The following PCDHA6 variants were observed in gnomAD, a reference collection of about 807,000 sequenced individuals.
PCDHA6 encodes the protein protocadherin alpha-6.
A neutral mutation model predicts 60.3 loss-of-function variants in PCDHA6; 55 were observed. That is an observed-to-expected ratio of 0.91 (90% CI 0.73 to 1.14). The LOEUF is 1.14. Ranked by LOEUF, PCDHA6 falls within the 50% of genes most tolerant of loss-of-function variation. The pLI, the probability that PCDHA6 is intolerant of heterozygous loss-of-function variation, is 0.00. For synonymous variants in PCDHA6, 652 were observed against 557.9 expected, an observed-to-expected ratio of 1.17 and a Z score of -2.38; for missense variants, 1,327 against 1,256.5, an observed-to-expected ratio of 1.06 and a Z score of -0.85.
intron 1 of PCDHA6, chr5:140,858,272 G>A: frequency 6.3e-7 from 1 of 1,597,346 alleles, no homozygotes; most frequent in Non-Finnish European, 8.6e-7. Flanking sequence ...GTGCTCTAGC[G>A]CGGTGGGGAG....
intron 1 of PCDHA6, among the ~76,000 whole-genome samples, chr5:140,938,974 G>T (rs534312375): frequency 6.6e-6 from 1 of 152,230 alleles, no homozygotes; most frequent in Non-Finnish European, 1.5e-5. Context: ...TGGCATCAAG[G>T]CTATCCTGGC....
In PCDHA6 at chr5:140,829,380, G is replaced by C. The variant is rs1554131916; in HGVS notation, c.1289G>C (p.Gly430Ala). Residue 430 changes from glycine (G) to alanine (A), a missense_variant, in exon 1 of 4, where the codon GGG becomes GCG. Transcript: ENST00000529310. ...GAGTTGGTGGTAACCGCGCGGGACG[G>C]GGGCTCGCCTTCGCTGTGGGCCACC... ...AYELVVTARDGGSPSLWATAS... is the reference protein window; with the variant it reads ...AYELVVTARDAGSPSLWATAS... 4 of 1,613,994 alleles carry C rather than the reference G, an allele frequency of 2.5e-6. No homozygotes were observed. The highest frequency in any genetic ancestry group is 3.4e-6 in the Non-Finnish European group (4 of 1,180,026).
intron 3 of PCDHA6, among the ~76,000 whole-genome samples, chr5:141,000,542 C>T (rs1331109215): frequency 6.7e-6 from 1 of 148,268 alleles, no homozygotes; most frequent in Non-Finnish European, 1.5e-5. Context: ...ATTCTCATGC[C>T]TCAAACTCCC....
chr5:140,858,537 C>T (rs1485044907), intron 1 of PCDHA6: 2 of 1,400,036 alleles, frequency 1.4e-6, no homozygotes, highest in Non-Finnish European at 2.0e-6. Flanking sequence ...TTTTTGTCTA[C>T]ATTCCATTTA....
chr5:140,835,866 G>T (rs2150246890), intron 1 of PCDHA6: 3 of 1,612,132 alleles, frequency 1.9e-6, no homozygotes, highest in Admixed American at 3.3e-5. Context: ...CTACTCGCTG[G>T]TGGAGCTGCG....
intron 1 of PCDHA6, chr5:140,966,454 C>G (rs897696652): frequency 1.6e-5 from 7 of 426,406 alleles, no homozygotes; most frequent in Non-Finnish European, 1.6e-5. Flanking sequence ...TCCCCCTCCC[C>G]CTCTGTCTTC....
At chr5:141,003,441 A>G (rs184470683) in intron 3 of PCDHA6, among the ~76,000 whole-genome samples, 25 of 152,240 alleles carry the variant, frequency 1.6e-4, no homozygotes, top group Non-Finnish European at 1.5e-5. Flanking sequence ...CCTCCCAAGT[A>G]GATGAAATTA....
chr5:140,875,407 A>G (rs2055457272), intron 1 of PCDHA6: 2 of 1,497,672 alleles, frequency 1.3e-6, no homozygotes, highest in Non-Finnish European at 1.8e-6. Flanking sequence ...GACTGCTCAT[A>G]AAATACCTCA....
At chr5:140,843,038 A>T in intron 1 of PCDHA6, 1 of 1,595,166 alleles carries the variant, frequency 6.3e-7, no homozygotes, top group Non-Finnish European at 8.6e-7. Flanking sequence ...GGTGGGTGGC[A>T]CTGGTGGCGC....
At chr5:140,886,759 G>A (rs541111444) in intron 1 of PCDHA6, among the ~76,000 whole-genome samples, 221 of 150,566 alleles carry the variant, frequency 1.5e-3, no homozygotes, top group Non-Finnish European at 2.7e-3. Flanking sequence ...CCGGGAGGTG[G>A]AGGTTGCAGT....
At chr5:140,970,139 A>G (rs1433151291) in intron 1 of PCDHA6, among the ~76,000 whole-genome samples, 3 of 152,124 alleles carry the variant, frequency 2.0e-5, no homozygotes, top group Non-Finnish European at 4.4e-5. Flanking sequence ...AGAAGGGAAA[A>G]AGAATTCTCC....
intron 1 of PCDHA6, chr5:140,967,558 C>G (rs1554229674): frequency 6.2e-7 from 1 of 1,614,050 alleles, no homozygotes; most frequent in South Asian, 1.1e-5. Flanking sequence ...CTTATCGCGT[C>G]CAGCTACGGG....
chr5:140,969,600 C>CTAAAACACA, intron 1 of PCDHA6: 1 of 778,552 alleles, frequency 1.3e-6, no homozygotes, highest in South Asian at 2.1e-5. Flanking sequence ...ATATTTAATG[C>CTAAAACACA]TAAAACACAG....
chr5:140,928,480 G>A, intron 1 of PCDHA6: 2 of 1,614,146 alleles, frequency 1.2e-6, no homozygotes, highest in Non-Finnish European at 1.7e-6. Flanking sequence ...AGGCCGGGAT[G>A]GTGGCATTCC....
chr5:140,986,371 G>A (rs1453761888), intron 3 of PCDHA6, among the ~76,000 whole-genome samples: 1 of 152,116 alleles, frequency 6.6e-6, no homozygotes, highest in African/African-American at 2.4e-5. Context: ...AATGCGTTTT[G>A]GGGGGAGGGA....
chr5:140,988,193 A>G (rs528689173), intron 3 of PCDHA6, among the ~76,000 whole-genome samples: 4 of 152,192 alleles, frequency 2.6e-5, no homozygotes, highest in South Asian at 2.1e-4. Flanking sequence ...AGGTGTGTGC[A>G]TATCCTTATT....
In PCDHA6 at chr5:140,936,771, C is replaced by A. The variant is rs182480245; in HGVS notation, c.2395-42178C>A. Among the ~76,000 whole-genome samples, 20 of 152,230 alleles carry A rather than the reference C, an allele frequency of 1.3e-4. No individual in the cohort carries two copies. In the East Asian group the frequency reaches 3.5e-3, roughly 26 times the overall value. On this transcript the variant is annotated intron_variant, in intron 1 of 3. Coordinates refer to ENST00000529310, the MANE Select transcript of PCDHA6 (RefSeq NM_018909.4). ...GTATTGATATCTAATTGTGTAAGTT[C>A]TCTCACTTTGTTATTCTGCTTCAAG...
chr5:141,006,948 A>G (rs1432589918), intron 3 of PCDHA6, among the ~76,000 whole-genome samples: 3 of 152,194 alleles, frequency 2.0e-5, no homozygotes, highest in African/African-American at 7.2e-5. Flanking sequence ...CCAGATAGGC[A>G]GTTATACATG....
chr5:140,883,696 G>T (rs142212706), intron 1 of PCDHA6: 2 of 1,613,818 alleles, frequency 1.2e-6, no homozygotes, highest in Non-Finnish European at 1.7e-6. Flanking sequence ...ACATCTTCAC[G>T]GTGTCTGCTC....
Sources: gnomAD v4.1 joint callset for allele counts (sites outside exome capture counted in the v4.1 genomes callset) on GRCh38, gnomAD v4.1.1 for gene constraint, MANE v1.5 for transcripts, NCBI Gene and HGNC (gene_info 2026-07-23, HGNC 2026-07-21) for gene names.